Variants in PDE4D observed in about 807,000 individuals in gnomAD.
PDE4D encodes the protein phosphodiesterase 4D, also known as 3',5'-cyclic-AMP phosphodiesterase 4D.
PDE4D carries 24 observed loss-of-function variants against 87.4 expected under a neutral mutation model. That is an observed-to-expected ratio of 0.27 (90% confidence interval 0.20 to 0.39). PDE4D has a LOEUF of 0.39. Among genes scored for constraint, PDE4D ranks in the 10% least tolerant of loss-of-function variants. The pLI is 1.00. For missense variants in PDE4D, 714 were observed against 1,041.0 expected (o/e 0.69, Z 4.32); for synonymous variants, 384 against 383.2 (o/e 1.00, Z -0.02).
intron 1 of PDE4D, among the ~76,000 whole-genome samples, chr5:59,385,454 T>C (rs1786781214): frequency 6.6e-6 from 1 of 152,206 alleles, no homozygotes; most frequent in Non-Finnish European, 1.5e-5. Flanking sequence ...TACTCTATTG[T>C]ACTCCAGCAT....
chr5:59,297,804 G>A (rs1325067765), intron 1 of PDE4D, among the ~76,000 whole-genome samples: 4 of 152,068 alleles, frequency 2.6e-5, no homozygotes, highest in Admixed American at 6.6e-5. Context: ...TCCAGGAGAG[G>A]GGATCCCAAA....
chr5:59,552,718 AAT>A (rs1363807084), intron 1 of PDE4D, among the ~76,000 whole-genome samples: 4 of 152,206 alleles, frequency 2.6e-5, no homozygotes, highest in Admixed American at 2.6e-4. Context: ...TCACCATATT[AAT>A]ATGATGGATT....
chr5:60,477,710 G>A (rs1378639958), intron 1 of PDE4D, among the ~76,000 whole-genome samples: 1 of 152,166 alleles, frequency 6.6e-6, no homozygotes, highest in Non-Finnish European at 1.5e-5. Flanking sequence ...AAAGAGACTT[G>A]AAAAGTGCAT....
chr5:59,518,194 T>C (rs6450522), intron 1 of PDE4D, among the ~76,000 whole-genome samples: 1,392 of 33,082 alleles, frequency 0.042, 14 homozygotes, highest in African/African-American at 0.22. Context: ...CTTGTGTGTT[T>C]GTGTGTGTGT....
intron 1 of PDE4D, among the ~76,000 whole-genome samples, chr5:59,286,120 G>A (rs1221753947): frequency 6.6e-6 from 1 of 152,152 alleles, no homozygotes; most frequent in Non-Finnish European, 1.5e-5. Context: ...AGGGCACTAA[G>A]TGCTTCCCCT....
At chr5:59,262,512 G>C (rs1278820308) in intron 1 of PDE4D, among the ~76,000 whole-genome samples, 1 of 151,616 alleles carries the variant, frequency 6.6e-6, no homozygotes, top group African/African-American at 2.4e-5. Flanking sequence ...CTAAAAGCTG[G>C]CTTCACAATC....
intron 6 of PDE4D, chr5:58,999,414 T>C: frequency 1.4e-6 from 1 of 718,734 alleles, no homozygotes; most frequent in Non-Finnish European, 2.3e-6. Flanking sequence ...TTTGAACAAA[T>C]TACAGTAGAG....
At chr5:59,446,442 A>G (rs1798363781) in intron 1 of PDE4D, among the ~76,000 whole-genome samples, 1 of 152,212 alleles carries the variant, frequency 6.6e-6, no homozygotes, top group African/African-American at 2.4e-5. Flanking sequence ...CAGTGTGCAT[A>G]AGAAAACTGC....
intron 1 of PDE4D, among the ~76,000 whole-genome samples, chr5:59,301,693 A>G (rs1398128621): frequency 6.6e-6 from 1 of 152,028 alleles, no homozygotes; most frequent in Non-Finnish European, 1.5e-5. Context: ...AGAGAGAGAG[A>G]GAAGAAATGG....
intron 1 of PDE4D, among the ~76,000 whole-genome samples, chr5:59,291,052 C>A (rs1212715575): frequency 1.3e-5 from 2 of 151,970 alleles, no homozygotes; most frequent in Non-Finnish European, 2.9e-5. Context: ...AATAGAGCTA[C>A]CATATGATCT....
chr5:59,440,782 A>T (rs1582617628), intron 1 of PDE4D, among the ~76,000 whole-genome samples: 1 of 152,150 alleles, frequency 6.6e-6, no homozygotes, highest in African/African-American at 2.4e-5. Context: ...ATCTTGAAAA[A>T]AAAAATTTTC....
At chr5:59,350,421 C>G (rs552299225) in intron 1 of PDE4D, among the ~76,000 whole-genome samples, 10 of 152,150 alleles carry the variant, frequency 6.6e-5, no homozygotes, top group Non-Finnish European at 1.5e-4. Context: ...CTTTCAAGGT[C>G]TTCAAGCTCT....
At chr5:59,796,121 C>G (rs1248287441) in intron 1 of PDE4D, among the ~76,000 whole-genome samples, 1 of 152,084 alleles carries the variant, frequency 6.6e-6, no homozygotes, top group African/African-American at 2.4e-5. Flanking sequence ...TACAGCAGCC[C>G]TAGGAAATGA....
chr5:59,331,418 A>G (rs1350340115), intron 1 of PDE4D, among the ~76,000 whole-genome samples: 1 of 152,058 alleles, frequency 6.6e-6, no homozygotes, highest in Non-Finnish European at 1.5e-5. Context: ...CTTTTCTTAT[A>G]AAGACACCAG....
At chr5:59,509,239 A>T (rs1371478732) in intron 1 of PDE4D, among the ~76,000 whole-genome samples, 2 of 151,982 alleles carry the variant, frequency 1.3e-5, no homozygotes, top group Admixed American at 1.3e-4. Flanking sequence ...GTAGTATCGT[A>T]TTTAAAGAGG....
Position 59,051,078 on chromosome 5 carries a change from G to A in PDE4D, c.809-12107C>T, listed in dbSNP as rs143982758. 3.4e-3 allele frequency among the ~76,000 whole-genome samples: 516 copies of A among 152,282 alleles called. 3 individuals are homozygous for A. The highest frequency in any genetic ancestry group is 0.017 in the Middle Eastern group (5 of 292). ...ATGTGAGTGAACAACCTATGATTTAGAATAGCTTTTAGACCAGGCACAGTG... is the reference window on the plus strand; with the variant it reads ...ATGTGAGTGAACAACCTATGATTTAAAATAGCTTTTAGACCAGGCACAGTG... On this transcript the variant is annotated intron_variant, in intron 5 of 14. Transcript: ENST00000340635.
At chr5:60,076,086 A>C (rs1434103212) in intron 2 of PDE4D, among the ~76,000 whole-genome samples, 1 of 152,102 alleles carries the variant, frequency 6.6e-6, no homozygotes, top group African/African-American at 2.4e-5. Context: ...GAAGACACTC[A>C]GGCTTTTTGA....
At chr5:59,232,513 A>G (rs1006833557) in intron 1 of PDE4D, among the ~76,000 whole-genome samples, 25 of 146,714 alleles carry the variant, frequency 1.7e-4, no homozygotes, top group African/African-American at 6.1e-4. Flanking sequence ...TAAAAGACCA[A>G]AAAAAAAAAA....
chr5:60,361,862 G>C (rs961521082), intron 1 of PDE4D, among the ~76,000 whole-genome samples: 3 of 152,106 alleles, frequency 2.0e-5, no homozygotes, highest in African/African-American at 7.2e-5. Flanking sequence ...GCACATCTTA[G>C]TCCACAGTAA....
Sources: gnomAD v4.1 joint callset for allele counts (sites outside exome capture counted in the v4.1 genomes callset) on GRCh38, gnomAD v4.1.1 for gene constraint, MANE v1.5 for transcripts, NCBI Gene and HGNC (gene_info 2026-07-23, HGNC 2026-07-21) for gene names.